The following EEA1 variants were observed in gnomAD, a reference collection of about 807,000 sequenced individuals.
EEA1 encodes early endosome antigen 1, also known as early endosome antigen 1, 162kD.
In EEA1, 111 loss-of-function variants were observed where a neutral mutation model predicts 209.2. The ratio of observed to expected loss-of-function variants is 0.53; its 90% confidence interval spans 0.45 to 0.62. The LOEUF is 0.62. Among genes scored for constraint, EEA1 ranks in the 20% least tolerant of loss-of-function variants. The probability of loss-of-function intolerance (pLI) is 0.00; values close to 1 mark genes in which losing one functional copy is unlikely to be tolerated. For missense variants in EEA1, 1,343 were observed against 1,530.8 expected (o/e 0.88, Z 2.05); for synonymous variants, 536 against 540.6 (o/e 0.99, Z 0.12).
At chr12:92,833,666 T>C (rs1876767450) in intron 10 of EEA1, among the ~76,000 whole-genome samples, 1 of 152,152 alleles carries the variant, frequency 6.6e-6, no homozygotes, top group East Asian at 1.9e-4. Flanking sequence ...AGTCAGTTAG[T>C]GGACCTTTAG....
At chr12:92,838,520 C>T (rs1354316324) in intron 10 of EEA1, among the ~76,000 whole-genome samples, 10 of 152,084 alleles carry the variant, frequency 6.6e-5, no homozygotes, top group East Asian at 1.9e-4. Flanking sequence ...ATAAAAGGGG[C>T]GCAAGGATCT....
At chr12:92,885,868 A>G (rs1879359253) in intron 2 of EEA1, among the ~76,000 whole-genome samples, 1 of 152,222 alleles carries the variant, frequency 6.6e-6, no homozygotes, top group Non-Finnish European at 1.5e-5. Flanking sequence ...TATATGTAAT[A>G]CATAATGCTG....
chr12:92,857,836 G>A (rs1011136575), intron 3 of EEA1, among the ~76,000 whole-genome samples: 2 of 152,072 alleles, frequency 1.3e-5, no homozygotes, highest in East Asian at 1.9e-4. Context: ...CATTAACATG[G>A]ACTACAAAAT....
At chr12:92,835,431 A>C (rs1876881297) in intron 10 of EEA1, 1 of 97,694 alleles carries the variant, frequency 1.0e-5, no homozygotes. Context: ...TTTTTTTTTG[A>C]GATGGAGTCT....
chr12:92,903,233 G>A (rs150896618), intron 1 of EEA1, among the ~76,000 whole-genome samples: 25 of 150,754 alleles, frequency 1.7e-4, no homozygotes, highest in Non-Finnish European at 2.7e-4. Context: ...CACCGCGCCC[G>A]GCCTGTTCAA....
chr12:92,834,543 C>T (rs556936494), intron 10 of EEA1, among the ~76,000 whole-genome samples: 9 of 71,022 alleles, frequency 1.3e-4, no homozygotes, highest in African/African-American at 2.8e-4. Context: ...AAGACCCTGT[C>T]ACTAAAAAAA....
At chr12:92,879,201 A>ATTTT (rs34766702) in intron 2 of EEA1, 122 of 233,966 alleles carry the variant, frequency 5.2e-4, no homozygotes, top group South Asian at 1.6e-3. Flanking sequence ...TGGATTCTGG[A>ATTTT]TTTTTTTTTT....
intron 22 of EEA1, among the ~76,000 whole-genome samples, chr12:92,787,193 C>A (rs949085176): frequency 1.3e-5 from 2 of 152,070 alleles, no homozygotes; most frequent in African/African-American, 4.8e-5. Context: ...ACAGATAAAG[C>A]ATTTCCCCTT....
intron 9 of EEA1, 137 bp from the exon 10 acceptor site, chr12:92,842,718 C>T: frequency 1.7e-6 from 1 of 580,912 alleles, no homozygotes; most frequent in Middle Eastern, 4.6e-4. Context: ...ATCCTACCAC[C>T]TATACTGCCA....
At chr12:92,791,748 G>C (rs893630131) in intron 21 of EEA1, among the ~76,000 whole-genome samples, 22 of 152,254 alleles carry the variant, frequency 1.4e-4, no homozygotes, top group Admixed American at 2.6e-4. Flanking sequence ...TCCAGGATCT[G>C]AACTCAGCTC....
At chr12:92,912,993 A>G (rs1326252469) in intron 1 of EEA1, among the ~76,000 whole-genome samples, 1 of 152,206 alleles carries the variant, frequency 6.6e-6, no homozygotes, top group South Asian at 2.1e-4. Flanking sequence ...GCAAAGTGCC[A>G]TGATAAATAG....
chr12:92,915,017 T>A (rs1880715761), intron 1 of EEA1, among the ~76,000 whole-genome samples: 1 of 152,098 alleles, frequency 6.6e-6, no homozygotes. Context: ...ATTTGTAAAG[T>A]GAAACTAATA....
chr12:92,820,679 T>C (rs1224191714), intron 13 of EEA1, among the ~76,000 whole-genome samples: 1 of 152,052 alleles, frequency 6.6e-6, no homozygotes, highest in Non-Finnish European at 1.5e-5. Context: ...GGTTGATGGA[T>C]GCAGAAAACC....
chr12:92,785,612 A>T (rs1341980691), intron 22 of EEA1, among the ~76,000 whole-genome samples: 1 of 152,204 alleles, frequency 6.6e-6, no homozygotes, highest in Non-Finnish European at 1.5e-5. Context: ...ATTTTATATA[A>T]AATTTACCAA....
rs762396166 is a variant in EEA1, at chr12:92,779,285, T to C, written c.3484A>G (p.Lys1162Glu). The change falls in exon 25 of 29, where the codon AAA becomes GAA. Residue 1162 changes from lysine (K) to glutamate (E), a missense_variant. Physicochemically the swap from Lys to Glu is moderately conservative, Grantham distance 56. Around this residue, in one of 3 missense-constraint regions of EEA1, gnomAD observed 1,307 missense variants for 1,465.5 expected, o/e 0.89. Transcript: ENST00000322349. ...TGAATTAGAAGCTGTTTAGCATCTT[T>C]AAGATTTGTTATCTCCTGTTGAAAA... ...LESIKEITNL[K>E]DAKQLLIQQK... 4.4e-6 allele frequency: 7 copies of C among 1,593,740 alleles called. No homozygotes were observed. The African/African-American group carries it at 6.8e-5, about 16-fold the overall frequency.
At chr12:92,850,278 C>T (rs1877554291) in intron 9 of EEA1, among the ~76,000 whole-genome samples, 1 of 152,188 alleles carries the variant, frequency 6.6e-6, no homozygotes, top group Admixed American at 6.5e-5. Context: ...GCACACCGTA[C>T]ACCACCTAGC....
chr12:92,884,362 T>C (rs1446031310), intron 2 of EEA1: 3 of 1,243,974 alleles, frequency 2.4e-6, no homozygotes, highest in Admixed American at 3.4e-5. Context: ...GCTGAAGTGG[T>C]TCTAGAAACT....
intron 2 of EEA1, chr12:92,884,519 T>C (rs1267837924): frequency 1.3e-6 from 2 of 1,484,242 alleles, no homozygotes; most frequent in Admixed American, 3.3e-5. Context: ...TGGTGGAAGC[T>C]ACAATGATTT....
chr12:92,883,814 G>A (rs150433075), intron 2 of EEA1: 47,741 of 1,588,390 alleles, frequency 0.03, 918 homozygotes, highest in Non-Finnish European at 0.035. Flanking sequence ...GAACAGCTGA[G>A]GAAGCTCTTC....
Sources: gnomAD v4.1 joint callset for allele counts (sites outside exome capture counted in the v4.1 genomes callset) on GRCh38, gnomAD v4.1.1 for gene constraint, gnomAD v4.1.1 regional missense constraint, MANE v1.5 for transcripts, NCBI Gene and HGNC (gene_info 2026-07-23, HGNC 2026-07-21) for gene names.